The following CHEK1 variants were observed in gnomAD, a reference collection of about 807,000 sequenced individuals.
The protein encoded by CHEK1 is serine/threonine-protein kinase Chk1.
Under a neutral mutation model 60.2 loss-of-function variants are expected in CHEK1, and 32 were observed. The observed-to-expected ratio is 0.53, with a 90% CI of 0.40 to 0.71. The LOEUF is 0.71. Ranked by LOEUF, CHEK1 falls within the 30% of genes least tolerant of loss-of-function variation. The pLI is 0.00. For missense variants in CHEK1, 399 were observed against 564.6 expected (o/e 0.71, Z 2.97); for synonymous variants, 179 against 187.2 (o/e 0.96, Z 0.36).
rs3731465 is a variant in CHEK1, at chr11:125,647,101, T to A, written c.1233+2458T>A. 2.8e-3 allele frequency among the ~76,000 whole-genome samples: 429 copies of A among 152,268 alleles called. 5 individuals carry two copies. The highest frequency in any genetic ancestry group is 0.011 in the Admixed American group (167 of 15,298). On this transcript the variant is annotated intron_variant, in intron 11 of 12. Transcript: ENST00000438015. ...CTTTTAGGAGTCCCAGCCTCCTAAG[T>A]AGCGGGGACTACAGTCTTAAAGTTT...
chr11:125,630,303 C>G (rs1372821793), intron 5 of CHEK1, among the ~76,000 whole-genome samples: 2 of 149,450 alleles, frequency 1.3e-5, no homozygotes, highest in African/African-American at 2.4e-5. Flanking sequence ...TAGTGCTTAA[C>G]AAATGGTCAG....
chr11:125,664,382 C>CTGTA, intron 13 of CHEK1, among the ~76,000 whole-genome samples: 1 of 151,794 alleles, frequency 6.6e-6, no homozygotes, highest in South Asian at 2.1e-4. Context: ...TACAGGCACC[C>CTGTA]GCCACTACGC....
chr11:125,643,571 G>A (rs1327621777), intron 8 of CHEK1: 3 of 497,014 alleles, frequency 6.0e-6, no homozygotes, highest in African/African-American at 2.0e-5. Context: ...CTTAGGTATT[G>A]TAAAATACCT....
chr11:125,651,005 C>T (rs1941705488), intron 11 of CHEK1, among the ~76,000 whole-genome samples: 1 of 152,078 alleles, frequency 6.6e-6, no homozygotes, highest in African/African-American at 2.4e-5. Context: ...GGGGCCTTCT[C>T]AGCTCTTTCC....
chr11:125,679,311 G>A (rs957422021), downstream of CHEK1, among the ~76,000 whole-genome samples: 12 of 146,848 alleles, frequency 8.2e-5, no homozygotes, highest in East Asian at 2.3e-3. Context: ...TCCGCCTCCC[G>A]GGTTCAAGTG....
chr11:125,628,239 T>A (rs781724511), intron 3 of CHEK1, among the ~76,000 whole-genome samples: 2 of 152,232 alleles, frequency 1.3e-5, no homozygotes, highest in Non-Finnish European at 2.9e-5. Context: ...TGTTTCCTCT[T>A]GGTTTACATG....
chr11:125,671,058 C>T lies in CHEK1; in HGVS notation c.*28-4870C>T, dbSNP rs1443055638. On this transcript the variant is annotated intron_variant, in intron 13 of 13. Coordinates refer to the CHEK1 transcript ENST00000428830. Reference sequence around the variant, plus strand: ...AGTAGGTAGGCCTATTGACATGAGCCATCATACCCAGTTAATTTTTTAACT... The same window carrying T: ...AGTAGGTAGGCCTATTGACATGAGCTATCATACCCAGTTAATTTTTTAACT... Among the ~76,000 whole-genome samples the T allele has an allele frequency of 3.3e-5, 5 of 152,098 alleles. No homozygotes were observed. In the East Asian group the frequency reaches 9.7e-4, roughly 29 times the overall value.
intron 5 of CHEK1, among the ~76,000 whole-genome samples, chr11:125,629,937 T>A (rs1011291903): frequency 1.3e-5 from 2 of 151,916 alleles, no homozygotes; most frequent in Non-Finnish European, 1.5e-5. Flanking sequence ...TTGCTCAGGC[T>A]AGTCTTGAAC....
intron 8 of CHEK1, among the ~76,000 whole-genome samples, 185 bp downstream of exon 8, chr11:125,637,729 GT>G (rs1291997424): frequency 2.0e-5 from 3 of 152,074 alleles, no homozygotes; most frequent in Non-Finnish European, 4.4e-5. Flanking sequence ...GAAAGTCAGG[GT>G]ACTATAGCTA....
At chr11:125,626,126 T>C (rs949972833) in intron 1 of CHEK1, 114 bp downstream of exon 1, 2 of 624,982 alleles carry the variant, frequency 3.2e-6, no homozygotes, top group Non-Finnish European at 5.8e-6. Context: ...CGCAGGGGAT[T>C]GGAGAGACTC....
downstream of CHEK1, among the ~76,000 whole-genome samples, chr11:125,658,685 CTTTTTTTT>C (rs67342073): frequency 6.0e-4 from 21 of 34,872 alleles, no homozygotes; most frequent in East Asian, 1.5e-3. Context: ...ATGGCTTTTG[CTTTTTTTT>C]TTTTTTTTTT....
chr11:125,675,614 A>G (rs1415001151), intron 13 of CHEK1, among the ~76,000 whole-genome samples: 1 of 152,234 alleles, frequency 6.6e-6, no homozygotes, highest in Non-Finnish European at 1.5e-5. Flanking sequence ...GTGTGGGAAT[A>G]TACTCAGACT....
At chr11:125,649,411 C>T (rs1941624461) in intron 11 of CHEK1, among the ~76,000 whole-genome samples, 1 of 151,690 alleles carries the variant, frequency 6.6e-6, no homozygotes, top group South Asian at 2.1e-4. Context: ...TTCCTTTTAA[C>T]CTATTTGTGT....
At position 125,626,489 on chromosome 11, in the gene CHEK1, A is replaced by C. The variant is rs1033451853; in HGVS notation, c.-20-260A>C. ...TTGTCTCCCACCTCTTCATAACAAC[A>C]ATTAATTTCCTCTGGGGCCTGAGGA... On this transcript the variant is annotated intron_variant, in intron 1 of 12. Transcript: ENST00000438015. 17 of 508,796 alleles carry C rather than the reference A, an allele frequency of 3.3e-5. 1 individual carries two copies. The highest frequency in any genetic ancestry group is 2.9e-4 in the African/African-American group (15 of 52,360). 31.5% of individuals were successfully genotyped at this position (508,796 alleles called of 1,614,324 possible).
chr11:125,648,836 C>A (rs1044463365), intron 11 of CHEK1, among the ~76,000 whole-genome samples: 1 of 151,968 alleles, frequency 6.6e-6, no homozygotes, highest in African/African-American at 2.4e-5. Context: ...TGGATTTTGT[C>A]AAATGTTTTC....
At chr11:125,651,097 C>G (rs1170114603) in intron 11 of CHEK1, among the ~76,000 whole-genome samples, 1 of 152,106 alleles carries the variant, frequency 6.6e-6, no homozygotes, top group East Asian at 1.9e-4. Context: ...GTCCTATTCC[C>G]CAGAAACATC....
chr11:125,626,068 C>T, intron 1 of CHEK1, 56 bp downstream of exon 1: 1 of 678,864 alleles, frequency 1.5e-6, no homozygotes, highest in Non-Finnish European at 2.7e-6. Flanking sequence ...AGTTCGGGGT[C>T]TAGATTAGTG....
rs1353187216 is a variant in CHEK1 at position 125,653,124 on chromosome 11, TG to T, written c.1234-621del. 6.6e-6 allele frequency among the ~76,000 whole-genome samples: 1 copy of T among 152,256 alleles called. No individual in the cohort carries two copies. Among genetic ancestry groups the T allele is most frequent in the African/African-American group, 2.4e-5 (1 of 41,472 alleles). ...TAATGTCCTCCAGTTCCACCCATGT[TG>T]CTGCAAATGACAGGATTTCATTCCT... On this transcript the variant is annotated intron_variant, in intron 11 of 12. Transcript: ENST00000438015. The surrounding 1 kb of genome is among the most constrained non-coding windows in gnomAD (Gnocchi z 4.3).
At chr11:125,632,538 A>G (rs895585160) in intron 5 of CHEK1, among the ~76,000 whole-genome samples, 1 of 152,192 alleles carries the variant, frequency 6.6e-6, no homozygotes, top group Non-Finnish European at 1.5e-5. Context: ...ACTAAGTTAC[A>G]GTAGATATTC....
Sources: allele counts gnomAD v4.1 joint callset (sites outside exome capture counted in the v4.1 genomes callset), GRCh38; gene constraint gnomAD v4.1.1; non-coding constraint Gnocchi (gnomAD v3.1); transcripts MANE v1.5; gene names NCBI Gene and HGNC (gene_info 2026-07-23, HGNC 2026-07-21).